The following CARNS1 variants were observed in gnomAD, a reference collection of about 807,000 sequenced individuals.
The protein encoded by CARNS1 is ATP-grasp domain containing 1.
A neutral mutation model predicts 74.0 loss-of-function variants in CARNS1; 61 were observed. That is an observed-to-expected ratio of 0.82 (90% CI 0.67 to 1.02). The LOEUF is 1.02. Ranked by LOEUF, CARNS1 falls within the 50% of genes least tolerant of loss-of-function variation. CARNS1 has a pLI of 0.00. For missense variants in CARNS1, 1,278 were observed against 1,308.4 expected (o/e 0.98, Z 0.36); for synonymous variants, 568 against 605.5 (o/e 0.94, Z 0.91).
chr11:67,416,015 C>T, intron 1 of CARNS1, 161 bp from the exon 2 acceptor site: 1 of 641,740 alleles, frequency 1.6e-6, no homozygotes, highest in Middle Eastern at 2.9e-4. Context: ...AGCAGAAATC[C>T]CTCCCTACCT....
At chr11:67,420,122 C>T (rs1263987867) in intron 7 of CARNS1, among the ~76,000 whole-genome samples, 1 of 152,182 alleles carries the variant, frequency 6.6e-6, no homozygotes, top group African/African-American at 2.4e-5. Flanking sequence ...GAGCTCTTGC[C>T]CACGTAGAGG....
chr11:67,416,341 C>G (rs936423854), intron 2 of CARNS1, 139 bp downstream of exon 2: 2 of 1,477,038 alleles, frequency 1.4e-6, no homozygotes, highest in Non-Finnish European at 1.8e-6. Flanking sequence ...CCAGCTCCCC[C>G]ACCCCCACCC....
chr11:67,416,135 C>A, intron 1 of CARNS1, 41 bp from the exon 2 acceptor site: 2 of 1,290,090 alleles, frequency 1.6e-6, no homozygotes, highest in Non-Finnish European at 2.2e-6. Flanking sequence ...CTTGGCTGCC[C>A]TGACTCCTTC....
In CARNS1 at chr11:67,417,632, GC is replaced by G; in HGVS notation, c.230del (p.Ala77ValfsTer22). ...CCTCCTGCAGAGCTGTCTGCAGCAA[GC>G]TGGCCTTCCGGAGACTCAGGACCGC... ...YSLLQSCLQQ[A>X]GLPETQDRGQ... On this transcript the variant is annotated frameshift_variant, in exon 3 of 10. Transcript: ENST00000687366. LOFTEE classifies it high-confidence loss of function. 7.9e-7 allele frequency: 1 copy of G among 1,271,352 alleles called. No individual in the cohort carries two copies. Among genetic ancestry groups the G allele is most frequent in the Non-Finnish European group, 9.9e-7 (1 of 1,006,568 alleles). 78.8% of individuals were successfully genotyped at this position (1,271,352 alleles called of 1,614,324 possible).
chr11:67,417,033 A>G lies in CARNS1; in HGVS notation c.4-374A>G, dbSNP rs569631398. 8 of 1,023,238 alleles carry G rather than the reference A, an allele frequency of 7.8e-6. 2 individuals are homozygous for G. In the African/African-American group the frequency reaches 1.4e-4, roughly 17 times the overall value. 63.4% of individuals were successfully genotyped at this position (1,023,238 alleles called of 1,614,324 possible). ...CTTCAGTCAACAAACACTTACTGAG[A>G]AGTGGCTGTGTGCCAGGCACGCTTT... is the stretch of plus-strand genomic sequence containing the variant. On this transcript the variant is annotated intron_variant, in intron 2 of 9. Coordinates refer to ENST00000687366, the MANE Select transcript of CARNS1 (RefSeq NM_001166222.2).
chr11:67,420,849 G>A lies in CARNS1; in HGVS notation c.1345+9G>A, dbSNP rs1473553967. On this transcript the variant is annotated intron_variant, in intron 8 of 9. Coordinates refer to ENST00000687366, the MANE Select transcript of CARNS1 (RefSeq NM_001166222.2). ...GCACACGGACTTCCTGGGTGAGTGA[G>A]GGCGGCCGGGGCCGGGGCCGGGAGC... The A allele has an allele frequency of 8.7e-6, 11 of 1,260,114 alleles. No individual in the cohort carries two copies. The highest frequency in any genetic ancestry group is 1.1e-5 in the Non-Finnish European group (11 of 1,005,384). 78.1% of individuals were successfully genotyped at this position (1,260,114 alleles called of 1,614,324 possible).
In CARNS1 at chr11:67,424,771, A is replaced by C. The variant is rs1863793238; in HGVS notation, c.*170A>C. On this transcript the variant is annotated 3_prime_UTR_variant, in exon 10 of 10. Transcript: ENST00000687366. ...AGCAGGGCAATTTAGACACCAAGGC[A>C]TCCTGGACTCAAGGGCCTCTTGCCC... 4.0e-6 allele frequency: 3 copies of C among 755,862 alleles called. No homozygotes were observed. The highest frequency in any genetic ancestry group is 1.8e-5 in the African/African-American group (1 of 56,558). 46.8% of individuals were successfully genotyped at this position (755,862 alleles called of 1,614,324 possible).
intron 5 of CARNS1, 28 bp downstream of exon 5, chr11:67,419,271 C>G (rs1468250081): frequency 6.8e-7 from 1 of 1,472,142 alleles, no homozygotes. Context: ...ACCCTGAGGT[C>G]TGTACAGATG....
chr11:67,419,846 T>TGGCCCA lies in CARNS1; in HGVS notation c.1113+18_1113+23dup, dbSNP rs760913360. On this transcript the variant is annotated intron_variant, in intron 7 of 9. Transcript: ENST00000687366. Reference sequence around the variant, plus strand: ...AGGCCACTGCTGAGCAAGGTGAGCGTGGCCCAGGCCCAGGCTGTGACCCTG... The same window carrying TGGCCCA: ...AGGCCACTGCTGAGCAAGGTGAGCGTGGCCCAGGCCCAGGCCCAGGCTGTGACCCTG... 20 of 1,569,986 alleles carry TGGCCCA rather than the reference T, an allele frequency of 1.3e-5. No individual in the cohort carries two copies. In the South Asian group the frequency reaches 1.3e-4, roughly 10 times the overall value.
At chr11:67,418,652 T>C in intron 4 of CARNS1, 104 bp from the exon 5 acceptor site, 1 of 1,443,988 alleles carries the variant, frequency 6.9e-7, no homozygotes, top group East Asian at 2.5e-5. Flanking sequence ...CCATGCTGAA[T>C]GGGGATGGGT....
chr11:67,423,415 A>G lies in CARNS1; in HGVS notation c.1667A>G (p.Gln556Arg). 1 of 1,612,638 alleles carries G rather than the reference A, an allele frequency of 6.2e-7. No homozygotes were observed. Among genetic ancestry groups the G allele is most frequent in the Non-Finnish European group, 8.5e-7 (1 of 1,178,822 alleles). ...TCAGACCCCAACCACTTTGCATCCC[A>G]GTTGGTACAGACCTTCATCCACTTT... ...VESDPNHFAS[Q>R]LVQTFIHFDM... The change falls in exon 10 of 10, where the codon CAG becomes CGG. Residue 556 changes from glutamine to arginine, a missense_variant. By Grantham distance (43) the Gln-to-Arg change is conservative. This residue lies in a region of CARNS1 where 1,164 missense variants were observed against 1,156.5 expected (regional missense o/e 1.01). Transcript: ENST00000687366. This position sits in a 1 kb window ranked among gnomAD's most constrained non-coding sequence, Gnocchi z 5.1.
intron 2 of CARNS1, 107 bp from the exon 3 acceptor site, chr11:67,417,284 CCCCGGGACGGTGTCAG>C: frequency 8.0e-7 from 1 of 1,242,684 alleles, no homozygotes; most frequent in African/African-American, 1.5e-5. Flanking sequence ...CTCTCCTAGT[CCCCGGGACGGTGTCAG>C]CCCTGAACAT....
rs1863695205 is a variant in CARNS1 at position 67,421,238 on chromosome 11, G to A, written c.1626+19G>A. On this transcript the variant is annotated intron_variant, in intron 9 of 9. Coordinates refer to ENST00000687366, the MANE Select transcript of CARNS1 (RefSeq NM_001166222.2). ...GCTCCAGGTGGGCGGGGCGCGGGGCGGGGCTGGGCCCCAGGTCCTGGCCCG... is the reference window on the plus strand; with the variant it reads ...GCTCCAGGTGGGCGGGGCGCGGGGCAGGGCTGGGCCCCAGGTCCTGGCCCG... The A allele has an allele frequency of 6.8e-7, 1 of 1,471,608 alleles. No homozygotes were observed. Among genetic ancestry groups the A allele is most frequent in the Admixed American group, 2.4e-5 (1 of 41,708 alleles). 91.2% of individuals were successfully genotyped at this position (1,471,608 alleles called of 1,614,324 possible). A position where few individuals can be genotyped will look rare whatever the true frequency, so the allele number is the denominator to read the frequency against.
At chr11:67,418,262 G>A (rs931597168) in intron 3 of CARNS1, among the ~76,000 whole-genome samples, 169 bp from the exon 4 acceptor site, 3 of 152,156 alleles carry the variant, frequency 2.0e-5, no homozygotes, top group African/African-American at 4.8e-5. Flanking sequence ...CCAGCTTCAC[G>A]GGGCAGGACT....
At position 67,419,495 on chromosome 11, in the gene CARNS1, G is replaced by A; in HGVS notation, c.861G>A (p.Val287=). 6.2e-7 allele frequency: 1 copy of A among 1,612,264 alleles called. No individual in the cohort carries two copies. Among genetic ancestry groups the A allele is most frequent in the Admixed American group, 1.7e-5 (1 of 59,938 alleles). The change falls in exon 6 of 10, where the codon GTG becomes GTA. Residue 287 remains valine (V), a synonymous_variant. Transcript: ENST00000687366. ...TCCCCTCCTTGCTGCAGGTAGCTGTGAAGCTCAGTGGCTGGCGCTGGCGGG... is the reference window on the plus strand; with the variant it reads ...TCCCCTCCTTGCTGCAGGTAGCTGTAAAGCTCAGTGGCTGGCGCTGGCGGG... The part of the protein sequence containing the change: ...EALGDILQVA[V]KLSGWRWRGR...
intron 9 of CARNS1, among the ~76,000 whole-genome samples, chr11:67,422,717 C>T (rs1590962267): frequency 6.6e-6 from 1 of 152,226 alleles, no homozygotes; most frequent in Admixed American, 6.5e-5. Flanking sequence ...CCTCTCCCCT[C>T]TCCCACCGTG....
chr11:67,417,446 C>T lies in CARNS1; in HGVS notation c.43C>T (p.Leu15=). 7.0e-7 allele frequency: 1 copy of T among 1,431,082 alleles called. No homozygotes were observed. Among genetic ancestry groups the T allele is most frequent in the Non-Finnish European group, 9.1e-7 (1 of 1,093,632 alleles). The allele number at this position is 1,431,082 out of a possible 1,614,324, so 88.6% of individuals were successfully genotyped here. Residue 15 remains leucine (L), a synonymous_variant, in exon 3 of 10, where the codon CTG becomes TTG. Transcript: ENST00000687366. The part of the protein sequence containing the change: ...DPSGPEWDCP[L]GSKDLEEEGP... ...ATCGGGTCCCGAGTGGGATTGCCCA[C>T]TGGGCTCCAAGGACCTGGAGGAAGA...
At chr11:67,420,474 T>C (rs1400072978) in intron 7 of CARNS1, 135 bp from the exon 8 acceptor site, 2 of 477,702 alleles carry the variant, frequency 4.2e-6, no homozygotes, top group African/African-American at 4.0e-5. Context: ...TCGTGTGCAA[T>C]TTAAGACACG....
chr11:67,423,231 T>C lies in CARNS1; in HGVS notation c.1627-144T>C. On this transcript the variant is annotated intron_variant, in intron 9 of 9. Coordinates refer to ENST00000687366, the MANE Select transcript of CARNS1 (RefSeq NM_001166222.2). This position sits in a 1 kb window ranked among gnomAD's most constrained non-coding sequence, Gnocchi z 5.1. ...TCCCACTTCTGCCCCTTCCATTTAT[T>C]CAGTCAATCCACAACACACATTTAT... is the stretch of plus-strand genomic sequence containing the variant. 1.2e-6 allele frequency: 1 copy of C among 832,366 alleles called. No homozygotes were observed. Among genetic ancestry groups the C allele is most frequent in the Non-Finnish European group, 1.9e-6 (1 of 540,464 alleles). 51.6% of individuals were successfully genotyped at this position (832,366 alleles called of 1,614,324 possible).
Sources: gnomAD v4.1 joint callset for allele counts (sites outside exome capture counted in the v4.1 genomes callset) on GRCh38, gnomAD v4.1.1 for gene constraint, gnomAD v4.1.1 regional missense constraint, Gnocchi (gnomAD v3.1) non-coding constraint, MANE v1.5 for transcripts, NCBI Gene and HGNC (gene_info 2026-07-23, HGNC 2026-07-21) for gene names.